RFTN1: variants seen among roughly 807,000 people sequenced by gnomAD.
RFTN1 encodes raftlin.
RFTN1 carries 26 observed loss-of-function variants against 46.5 expected under a neutral mutation model. That is an observed-to-expected ratio of 0.56 (90% CI 0.41 to 0.78). The LOEUF (loss-of-function observed/expected upper bound fraction) is 0.78. Among genes scored for constraint, RFTN1 ranks in the 30% least tolerant of loss-of-function variants. The pLI, the probability that RFTN1 is intolerant of heterozygous loss-of-function variation, is 0.00. For missense variants in RFTN1, 693 were observed against 718.7 expected, an observed-to-expected ratio of 0.96 and a Z score of 0.41; for synonymous variants, 261 against 284.2, an observed-to-expected ratio of 0.92 and a Z score of 0.82.
chr3:16,502,756 C>A (rs919801636), intron 1 of RFTN1, among the ~76,000 whole-genome samples: 1 of 152,188 alleles, frequency 6.6e-6, no homozygotes, highest in African/African-American at 2.4e-5. Context: ...AGCCTTCAGC[C>A]CGGCCAACAT....
intron 2 of RFTN1, among the ~76,000 whole-genome samples, chr3:16,455,549 G>A (rs911534983): frequency 3.9e-5 from 6 of 152,086 alleles, no homozygotes; most frequent in Non-Finnish European, 7.4e-5. Context: ...TTCTAAATAG[G>A]GGAGCATTCT....
chr3:16,356,934 G>C lies in RFTN1; in HGVS notation c.1146+998C>G, dbSNP rs2072471179. Reference sequence around the variant, plus strand: ...GTTTGAGACCAGCCTGGCCAACGTGGTGAAACCCTGTCTTTACTAAAAATA... The same window carrying C: ...GTTTGAGACCAGCCTGGCCAACGTGCTGAAACCCTGTCTTTACTAAAAATA... On this transcript the variant is annotated intron_variant, in intron 7 of 9. Coordinates refer to ENST00000334133, the MANE Select transcript of RFTN1 (RefSeq NM_015150.2). This position sits in a 1 kb window ranked among gnomAD's most constrained non-coding sequence, Gnocchi z 4.9. 6.6e-6 allele frequency among the ~76,000 whole-genome samples: 1 copy of C among 152,116 alleles called. No homozygotes were observed. Among genetic ancestry groups the C allele is most frequent in the Non-Finnish European group, 1.5e-5 (1 of 68,006 alleles).
intron 3 of RFTN1, among the ~76,000 whole-genome samples, chr3:16,409,942 C>T (rs897164953): frequency 2.0e-5 from 3 of 151,940 alleles, no homozygotes; most frequent in African/African-American, 7.3e-5. Flanking sequence ...CCGCCTTGGC[C>T]TCCCAAAGTG....
Position 16,327,339 on chromosome 3 carries a change from C to G in RFTN1, c.1147-463G>C, listed in dbSNP as rs690085. Among the ~76,000 whole-genome samples the G allele has an allele frequency of 6.6e-6, 1 of 152,032 alleles. No homozygotes were observed. The highest frequency in any genetic ancestry group is 1.5e-5 in the Non-Finnish European group (1 of 67,994). ...ACAGCAACACACACATGCACATCCA[C>G]ATGTGTGTGTACACGCAGAAGCTGC... On this transcript the variant is annotated intron_variant, in intron 7 of 9. Coordinates refer to ENST00000334133, the MANE Select transcript of RFTN1 (RefSeq NM_015150.2). The surrounding 1 kb of genome is among the most constrained non-coding windows in gnomAD (Gnocchi z 4.2).
At chr3:16,364,489 G>T (rs910848921) in intron 6 of RFTN1, among the ~76,000 whole-genome samples, 4 of 152,096 alleles carry the variant, frequency 2.6e-5, no homozygotes, top group Admixed American at 2.6e-4. Flanking sequence ...GTAGGTGCTA[G>T]ACAGGCTAGG....
At chr3:16,397,256 A>G (rs1333240847) in intron 4 of RFTN1, among the ~76,000 whole-genome samples, 2 of 152,028 alleles carry the variant, frequency 1.3e-5, no homozygotes, top group Non-Finnish European at 2.9e-5. Context: ...CACGAAATGA[A>G]AAATAGTGCA....
At chr3:16,392,395 C>A (rs73144352) in intron 4 of RFTN1, among the ~76,000 whole-genome samples, 1,733 of 152,170 alleles carry the variant, frequency 0.011, 29 homozygotes, top group African/African-American at 0.04. Context: ...AATTCCCACA[C>A]TCATTATCTG....
rs1412798433 is a variant in RFTN1 at position 16,446,967 on chromosome 3, G to GT, written c.146-12931dup. Among the ~76,000 whole-genome samples, 1 of 152,122 alleles carries GT rather than the reference G, an allele frequency of 6.6e-6. No individual in the cohort carries two copies. Among genetic ancestry groups the GT allele is most frequent in the Non-Finnish European group, 1.5e-5 (1 of 68,024 alleles). On this transcript the variant is annotated intron_variant, in intron 2 of 9. Coordinates refer to ENST00000334133, the MANE Select transcript of RFTN1 (RefSeq NM_015150.2). The surrounding 1 kb of genome is among the most constrained non-coding windows in gnomAD (Gnocchi z 4.5). ...AACTATTGGAAATCATAAAGACCAC[G>GT]TGTAAGACTAGTTTCAAGAGGCTTA...
intron 1 of RFTN1, among the ~76,000 whole-genome samples, chr3:16,501,925 G>A (rs574212289): frequency 6.6e-6 from 1 of 152,284 alleles, no homozygotes; most frequent in East Asian, 1.9e-4. Flanking sequence ...ATATCAAACT[G>A]TATTAACGGT....
intron 1 of RFTN1, among the ~76,000 whole-genome samples, chr3:16,495,045 G>A (rs965105328): frequency 6.6e-6 from 1 of 152,036 alleles, no homozygotes; most frequent in Middle Eastern, 3.2e-3. Flanking sequence ...GGAAGGAGAC[G>A]GTGTAGCGAC....
intron 6 of RFTN1, among the ~76,000 whole-genome samples, chr3:16,365,869 T>C (rs796931177): frequency 8.4e-6 from 1 of 118,402 alleles, no homozygotes; most frequent in Non-Finnish European, 1.7e-5. Context: ...TTTCAAGCAG[T>C]CAGGGAAAGA....
chr3:16,321,503 G>A lies in RFTN1; in HGVS notation c.1332+1873C>T, dbSNP rs578036303. On this transcript the variant is annotated intron_variant, in intron 9 of 9. Transcript: ENST00000334133. This position sits in a 1 kb window ranked among gnomAD's most constrained non-coding sequence, Gnocchi z 4.8. ...GTCACCAGGGGACACAGGCCTGTGG[G>A]AGTAGGACGCTGACCCTTGTCAGCT... Among the ~76,000 whole-genome samples the A allele has an allele frequency of 1.2e-4, 18 of 152,296 alleles. No individual in the cohort carries two copies. Among genetic ancestry groups the A allele is most frequent in the Non-Finnish European group, 2.2e-4 (15 of 68,012 alleles).
Position 16,329,408 on chromosome 3 carries a change from G to A in RFTN1, c.1147-2532C>T, listed in dbSNP as rs2070070675. 6.6e-6 allele frequency among the ~76,000 whole-genome samples: 1 copy of A among 152,204 alleles called. No homozygotes were observed. Among genetic ancestry groups the A allele is most frequent in the Non-Finnish European group, 1.5e-5 (1 of 68,032 alleles). The stretch of plus-strand genomic sequence containing the variant: ...GAAGGGAGGAGGGAAGGGAGGAAAG[G>A]AGAGAGAGGTACAAGAATAATCCGT... On this transcript the variant is annotated intron_variant, in intron 7 of 9. Transcript: ENST00000334133. The surrounding 1 kb of genome is among the most constrained non-coding windows in gnomAD (Gnocchi z 4.5).
At chr3:16,454,121 C>T (rs2075864722) in intron 2 of RFTN1, among the ~76,000 whole-genome samples, 2 of 152,182 alleles carry the variant, frequency 1.3e-5, no homozygotes, top group South Asian at 4.1e-4. Context: ...AACCAGGTCT[C>T]CTTAGTCACC....
chr3:16,461,763 T>C lies in RFTN1; in HGVS notation c.146-27726A>G, dbSNP rs79034059. On this transcript the variant is annotated intron_variant, in intron 2 of 9. Transcript: ENST00000334133. ...TCATTCAGATGGTATAGATTTGGCCTGTGTGTCCACAAGTAATTTTTCCTT... is the reference window on the plus strand; with the variant it reads ...TCATTCAGATGGTATAGATTTGGCCCGTGTGTCCACAAGTAATTTTTCCTT... 1.2e-4 allele frequency among the ~76,000 whole-genome samples: 18 copies of C among 152,368 alleles called. No homozygotes were observed. The East Asian group carries it at 3.5e-3, about 29-fold the overall frequency.
chr3:16,374,932 C>G lies in RFTN1; in HGVS notation c.826+2786G>C, dbSNP rs766083902. Among the ~76,000 whole-genome samples the G allele has an allele frequency of 1.3e-5, 2 of 152,192 alleles. No individual in the cohort carries two copies. The highest frequency in any genetic ancestry group is 2.4e-5 in the African/African-American group (1 of 41,454). ...CAGAGATGGGGAGGGACGACCTGCC[C>G]CTGCTTCCGCATGGAGAATCCACTG... On this transcript the variant is annotated intron_variant, in intron 5 of 9. Coordinates refer to ENST00000334133, the MANE Select transcript of RFTN1 (RefSeq NM_015150.2). This position sits in a 1 kb window ranked among gnomAD's most constrained non-coding sequence, Gnocchi z 5.4.
At chr3:16,496,725 G>C (rs932589428) in intron 1 of RFTN1, among the ~76,000 whole-genome samples, 41 of 151,960 alleles carry the variant, frequency 2.7e-4, no homozygotes, top group African/African-American at 9.9e-4. Flanking sequence ...TCCTCTCCTG[G>C]GTATATACCA....
At chr3:16,487,925 C>A (rs868604655) in intron 2 of RFTN1, among the ~76,000 whole-genome samples, 5 of 152,232 alleles carry the variant, frequency 3.3e-5, no homozygotes, top group South Asian at 4.2e-4. Flanking sequence ...AAATTTAAGA[C>A]CCAATCAAAT....
chr3:16,367,758 A>G (rs796254399), intron 6 of RFTN1, among the ~76,000 whole-genome samples: 1,279 of 126,910 alleles, frequency 0.01, no homozygotes, highest in South Asian at 0.034. Flanking sequence ...GGGTGACGGG[A>G]AGTAGAGGAG....
Sources: gnomAD v4.1 joint callset for allele counts (sites outside exome capture counted in the v4.1 genomes callset) on GRCh38, gnomAD v4.1.1 for gene constraint, Gnocchi (gnomAD v3.1) non-coding constraint, MANE v1.5 for transcripts, NCBI Gene and HGNC (gene_info 2026-07-23, HGNC 2026-07-21) for gene names.